DLGAP2: variants seen among roughly 807,000 people sequenced by gnomAD.
DLGAP2 encodes disks large-associated protein 2.
In DLGAP2, 26 loss-of-function variants were observed where a neutral mutation model predicts 100.3. The ratio of observed to expected loss-of-function variants is 0.26; its 90% CI spans 0.19 to 0.36. The LOEUF (loss-of-function observed/expected upper bound fraction) is 0.36, where lower values mean the gene tolerates loss of function less well. DLGAP2 is among the 10% of genes least tolerant of loss of function. The pLI is 1.00. For synonymous variants in DLGAP2, 886 were observed against 630.1 expected (o/e 1.41, Z -6.08); for missense variants, 1,858 against 1,453.2 (o/e 1.28, Z -4.53).
At chr8:1,027,384 G>A (rs1405825432) in intron 2 of DLGAP2, among the ~76,000 whole-genome samples, 1 of 150,894 alleles carries the variant, frequency 6.6e-6, no homozygotes, top group African/African-American at 2.4e-5. Context: ...TGGGGTGCTT[G>A]GTGCCCGTTA....
chr8:1,680,416 T>C (rs1798916354), intron 12 of DLGAP2: 1 of 152,248 alleles, frequency 6.6e-6, no homozygotes, highest in African/African-American at 2.4e-5. Flanking sequence ...AGAAAATCAA[T>C]GGCGTGCTGA....
At chr8:1,593,323 C>T (rs1002843303) in intron 6 of DLGAP2, among the ~76,000 whole-genome samples, 4 of 151,828 alleles carry the variant, frequency 2.6e-5, no homozygotes, top group Admixed American at 6.6e-5. Flanking sequence ...GGCGTGGTGG[C>T]GGGCGCCTGT....
intron 2 of DLGAP2, among the ~76,000 whole-genome samples, chr8:997,633 A>C (rs1288379249): frequency 6.6e-6 from 1 of 152,228 alleles, no homozygotes; most frequent in Non-Finnish European, 1.5e-5. Flanking sequence ...TGAAAAATGG[A>C]ACTCATTCCT....
chr8:1,682,993 T>C (rs1798997341), intron 12 of DLGAP2, among the ~76,000 whole-genome samples: 1 of 151,526 alleles, frequency 6.6e-6, no homozygotes, highest in South Asian at 2.1e-4. Context: ...CAGTGATGTC[T>C]ACATTCCATA....
At chr8:1,260,355 C>T (rs1191874085) in intron 3 of DLGAP2, among the ~76,000 whole-genome samples, 3 of 152,022 alleles carry the variant, frequency 2.0e-5, no homozygotes, top group Non-Finnish European at 2.9e-5. Context: ...AAATATAAAA[C>T]CTTGTAAATA....
At chr8:1,528,726 G>T (rs537987336) in intron 4 of DLGAP2, among the ~76,000 whole-genome samples, 1 of 152,202 alleles carries the variant, frequency 6.6e-6, no homozygotes, top group African/African-American at 2.4e-5. Context: ...GGCCCTGGCA[G>T]TAAGGAGCCT....
At chr8:1,335,198 T>G (rs928344259) in intron 3 of DLGAP2, among the ~76,000 whole-genome samples, 1 of 152,060 alleles carries the variant, frequency 6.6e-6, no homozygotes, top group Middle Eastern at 3.2e-3. Context: ...GTGGCCTTTC[T>G]CTCTCAGTCT....
At chr8:1,100,451 T>C (rs1054028162) in intron 2 of DLGAP2, among the ~76,000 whole-genome samples, 1 of 152,128 alleles carries the variant, frequency 6.6e-6, no homozygotes, top group Non-Finnish European at 1.5e-5. Context: ...AAAACCTTTG[T>C]CCAGCATGTC....
intron 5 of DLGAP2, among the ~76,000 whole-genome samples, chr8:1,554,971 C>A (rs1036264277): frequency 2.6e-5 from 4 of 152,158 alleles, no homozygotes; most frequent in African/African-American, 9.7e-5. Flanking sequence ...CTTAGCGATA[C>A]CAGTGCTCAG....
chr8:1,431,242 A>G (rs537573448), intron 3 of DLGAP2, among the ~76,000 whole-genome samples: 2 of 152,216 alleles, frequency 1.3e-5, no homozygotes, highest in African/African-American at 4.8e-5. Context: ...CTGACACATC[A>G]TTAGAATCAT....
intron 3 of DLGAP2, among the ~76,000 whole-genome samples, chr8:1,473,868 C>T (rs1798864602): frequency 6.6e-6 from 1 of 152,138 alleles, no homozygotes; most frequent in African/African-American, 2.4e-5. Context: ...CTGCCTTTCA[C>T]CTTCCACCAT....
intron 2 of DLGAP2, among the ~76,000 whole-genome samples, chr8:999,198 G>A (rs2129017639): frequency 6.6e-6 from 1 of 151,994 alleles, no homozygotes; most frequent in South Asian, 2.1e-4. Context: ...TCACGCCAGA[G>A]ATACTTTCTC....
intron 2 of DLGAP2, among the ~76,000 whole-genome samples, chr8:977,666 A>G (rs1584941086): frequency 6.6e-6 from 1 of 151,898 alleles, no homozygotes; most frequent in Admixed American, 6.6e-5. Context: ...TAATTAGAAC[A>G]TTTTCCCTGT....
intron 4 of DLGAP2, among the ~76,000 whole-genome samples, chr8:1,516,308 T>TGAGG (rs774532265): frequency 6.6e-6 from 1 of 151,558 alleles, no homozygotes; most frequent in Non-Finnish European, 1.5e-5. Context: ...AGTGAGTGAA[T>TGAGG]GAGGGAGGGA....
At chr8:1,385,804 C>A (rs1278750218) in intron 3 of DLGAP2, among the ~76,000 whole-genome samples, 1 of 151,982 alleles carries the variant, frequency 6.6e-6, no homozygotes, top group African/African-American at 2.4e-5. Context: ...TGTGCCCGGC[C>A]CCTGAGAACT....
intron 2 of DLGAP2, among the ~76,000 whole-genome samples, chr8:980,558 T>C (rs1445603789): frequency 6.6e-6 from 1 of 152,198 alleles, no homozygotes; most frequent in African/African-American, 2.4e-5. Context: ...CGCCAATTCA[T>C]TCGCTCAAGG....
At chr8:767,645 A>G (rs1182080079) in intron 1 of DLGAP2, among the ~76,000 whole-genome samples, 1 of 152,118 alleles carries the variant, frequency 6.6e-6, no homozygotes, top group Non-Finnish European at 1.5e-5. Flanking sequence ...ACGAGCCACC[A>G]CGCCAGGACG....
chr8:801,313 T>C (rs901510228), intron 1 of DLGAP2, among the ~76,000 whole-genome samples: 1 of 152,142 alleles, frequency 6.6e-6, no homozygotes, highest in Non-Finnish European at 1.5e-5. Flanking sequence ...ATCTGAGGAG[T>C]GCAGCAGTGG....
At chr8:1,186,223 G>T (rs1245363524) in intron 2 of DLGAP2, among the ~76,000 whole-genome samples, 2 of 152,260 alleles carry the variant, frequency 1.3e-5, no homozygotes, top group Non-Finnish European at 2.9e-5. Context: ...GCAGTCTGTG[G>T]TAGGTGCCCT....
Sources: allele counts gnomAD v4.1 joint callset (sites outside exome capture counted in the v4.1 genomes callset), GRCh38; gene constraint gnomAD v4.1.1; transcripts MANE v1.5; gene names NCBI Gene and HGNC (gene_info 2026-07-23, HGNC 2026-07-21).